Variants in NIM1K observed in about 807,000 individuals in gnomAD.
NIM1K encodes the protein NIM1 serine/threonine protein kinase, also known as serine/threonine-protein kinase NIM1.
Under a neutral mutation model 37.1 loss-of-function variants are expected in NIM1K, and 35 were observed. The observed-to-expected ratio is 0.94, with a 90% confidence interval of 0.72 to 1.25. The LOEUF is 1.25. Among genes scored for constraint, NIM1K ranks in the 50% most tolerant of loss-of-function variants. The pLI, the probability that NIM1K is intolerant of heterozygous loss-of-function variation, is 0.00. For missense variants in NIM1K, 564 were observed against 548.0 expected (o/e 1.03, Z -0.29); for synonymous variants, 234 against 206.6 (o/e 1.13, Z -1.14).
chr5:43,200,038 C>T (rs1178709593), intron 1 of NIM1K, among the ~76,000 whole-genome samples: 1 of 152,002 alleles, frequency 6.6e-6, no homozygotes, highest in East Asian at 1.9e-4. Context: ...ATCACGCATG[C>T]TCAGCTAATT....
intron 1 of NIM1K, chr5:43,207,189 A>T: frequency 1.3e-6 from 1 of 742,940 alleles, no homozygotes; most frequent in Admixed American, 1.8e-5. Context: ...CTGAGTGGGG[A>T]TGTTAATTTG....
In NIM1K at chr5:43,192,271, G is replaced by C. The variant is rs1297646226; in HGVS notation, c.-835G>C. 1.3e-5 allele frequency: 2 copies of C among 152,526 alleles called. No homozygotes were observed. The highest frequency in any genetic ancestry group is 4.8e-5 in the African/African-American group (2 of 41,478). The allele number at this position is 152,526 out of a possible 1,614,324, so 9.4% of individuals were successfully genotyped here. ...CCGGTCAGGTCGGCCGCCCCTGACA[G>C]CTCCGGGAGCCTCAAGCGCGACAGC... On this transcript the variant is annotated 5_prime_UTR_variant, in exon 1 of 4. Transcript: ENST00000326035.
At chr5:43,227,217 C>T (rs1248415732) in intron 1 of NIM1K, among the ~76,000 whole-genome samples, 2 of 151,884 alleles carry the variant, frequency 1.3e-5, no homozygotes, top group East Asian at 3.9e-4. Flanking sequence ...AAAATTAGCC[C>T]GGCATGGTGG....
intron 1 of NIM1K, among the ~76,000 whole-genome samples, chr5:43,212,680 G>A (rs1752221541): frequency 6.6e-6 from 1 of 152,112 alleles, no homozygotes. Flanking sequence ...AAAAGCAGAA[G>A]ATGCAGCCTG....
chr5:43,259,402 T>C (rs1169956275), intron 2 of NIM1K, among the ~76,000 whole-genome samples: 4 of 152,238 alleles, frequency 2.6e-5, no homozygotes, highest in Non-Finnish European at 5.9e-5. Flanking sequence ...CCACCAGCAG[T>C]GTATAAATGT....
At chr5:43,266,423 G>T (rs1381597881) in intron 2 of NIM1K, among the ~76,000 whole-genome samples, 1 of 152,238 alleles carries the variant, frequency 6.6e-6, no homozygotes, top group East Asian at 1.9e-4. Flanking sequence ...TCTGAGCCAG[G>T]TGCGGGATAT....
chr5:43,280,612 G>T lies in NIM1K; in HGVS notation c.1194G>T (p.Lys398Asn). The change falls in exon 4 of 4, where the codon AAG becomes AAT. Residue 398 changes from lysine (K) to asparagine (N), a missense_variant. Coordinates refer to ENST00000326035, the MANE Select transcript of NIM1K (RefSeq NM_153361.4). ...RIILHRVQRKKALESVPVMML... is the reference protein window; with the variant it reads ...RIILHRVQRKNALESVPVMML... ...TTTTACATAGAGTCCAAAGGAAGAA[G>T]GCTTTGGAAAGTGTCCCAGTCATGA... 6.2e-7 allele frequency: 1 copy of T among 1,614,072 alleles called. No homozygotes were observed. Among genetic ancestry groups the T allele is most frequent in the Non-Finnish European group, 8.5e-7 (1 of 1,179,998 alleles).
At chr5:43,213,210 TTTC>T (rs1214087992) in intron 1 of NIM1K, among the ~76,000 whole-genome samples, 27 of 47,318 alleles carry the variant, frequency 5.7e-4, no homozygotes, top group African/African-American at 2.0e-3. Context: ...TCTTTCTTTC[TTTC>T]TTTCTTTCTT....
At position 43,198,210 on chromosome 5, in the gene NIM1K, TTTCTTTCTTTCTTTC is replaced by T. The variant is rs1751958533; in HGVS notation, c.-695+5802_-695+5816del. 1.2e-4 allele frequency among the ~76,000 whole-genome samples: 10 copies of T among 82,334 alleles called. 1 individual carries two copies. In the South Asian group the frequency reaches 3.2e-3, roughly 26 times the overall value. The allele number at this position is 82,334 out of a possible 152,430, so 54.0% of individuals were successfully genotyped here. ...TTCTTTCTTTCTTTCTTTCTTTCTC[TTTCTTTCTTTCTTTC>T]TTTCTTTCTTTCTTTCTTTCTTTTC... On this transcript the variant is annotated intron_variant, in intron 1 of 3. Transcript: ENST00000326035.
At chr5:43,266,194 G>GT (rs1753153234) in intron 2 of NIM1K, among the ~76,000 whole-genome samples, 1 of 152,222 alleles carries the variant, frequency 6.6e-6, no homozygotes, top group Admixed American at 6.5e-5. Flanking sequence ...GCTGCCTTTT[G>GT]TTCAGCTATG....
At chr5:43,204,623 T>C (rs1561072066) in intron 1 of NIM1K, among the ~76,000 whole-genome samples, 1 of 150,792 alleles carries the variant, frequency 6.6e-6, no homozygotes, top group Non-Finnish European at 1.5e-5. Context: ...AAGAATCAGT[T>C]GAACCCAGGA....
At chr5:43,233,169 C>T (rs1266696448) in intron 1 of NIM1K, 26 of 1,250,342 alleles carry the variant, frequency 2.1e-5, no homozygotes, top group Admixed American at 1.7e-4. Context: ...GATGCGGTCA[C>T]GCATGATTAC....
At chr5:43,234,417 G>A (rs1372343934) in intron 1 of NIM1K, among the ~76,000 whole-genome samples, 3 of 152,130 alleles carry the variant, frequency 2.0e-5, no homozygotes, top group Non-Finnish European at 4.4e-5. Flanking sequence ...CAAAAATGGT[G>A]TATAGAACAT....
chr5:43,269,235 G>A (rs369020892), intron 2 of NIM1K, among the ~76,000 whole-genome samples: 98 of 148,332 alleles, frequency 6.6e-4, no homozygotes, highest in African/African-American at 2.3e-3. Flanking sequence ...GCTTGTACCC[G>A]GGAGGCAGAG....
chr5:43,268,817 C>A (rs73096609), intron 2 of NIM1K, among the ~76,000 whole-genome samples: 4,865 of 152,106 alleles, frequency 0.032, 288 homozygotes, highest in African/African-American at 0.11. Flanking sequence ...CCAAAGCTAG[C>A]CAAGACTAAG....
In NIM1K at chr5:43,236,151, A is replaced by C. The variant is rs147724348; in HGVS notation, c.-694-8931A>C. Among the ~76,000 whole-genome samples, 709 of 152,132 alleles carry C rather than the reference A, an allele frequency of 4.7e-3. 4 individuals are homozygous for C. Among genetic ancestry groups the C allele is most frequent in the African/African-American group, 0.017 (685 of 41,490 alleles). ...CATGGTGGTGTGTACCAGTAGTCCC[A>C]GCTACTCAGGAGGCTGAGGTGGGAG... On this transcript the variant is annotated intron_variant, in intron 1 of 3. Transcript: ENST00000326035.
chr5:43,279,611 G>A (rs1003500285), intron 3 of NIM1K, among the ~76,000 whole-genome samples: 2 of 152,146 alleles, frequency 1.3e-5, no homozygotes. Flanking sequence ...AAGCCTTCCT[G>A]GTCAAACGAT....
chr5:43,224,563 C>T (rs1408849898), intron 1 of NIM1K, among the ~76,000 whole-genome samples: 1 of 151,718 alleles, frequency 6.6e-6, no homozygotes, highest in East Asian at 1.9e-4. Context: ...GGTTTTTTTA[C>T]CTAAAAGGAA....
At chr5:43,215,384 C>T (rs922216183) in intron 1 of NIM1K, among the ~76,000 whole-genome samples, 1 of 152,216 alleles carries the variant, frequency 6.6e-6, no homozygotes, top group Non-Finnish European at 1.5e-5. Context: ...TTCTGTGCCT[C>T]CTGGGCCCAG....
Sources: allele counts gnomAD v4.1 joint callset (sites outside exome capture counted in the v4.1 genomes callset), GRCh38; gene constraint gnomAD v4.1.1; transcripts MANE v1.5; gene names NCBI Gene and HGNC (gene_info 2026-07-23, HGNC 2026-07-21).